The following DNMT1 variants were observed in gnomAD, a reference collection of about 807,000 sequenced individuals.
The protein encoded by DNMT1 is DNA (cytosine-5)-methyltransferase 1.
In DNMT1, 24 loss-of-function variants were observed where a neutral mutation model predicts 205.3. The observed-to-expected ratio is 0.12, with a 90% CI of 0.08 to 0.16. DNMT1 has a LOEUF of 0.16. Among genes scored for constraint, DNMT1 ranks in the 10% least tolerant of loss-of-function variants. The pLI, the probability that DNMT1 is intolerant of heterozygous loss-of-function variation, is 1.00. For missense variants in DNMT1, 1,293 were observed against 2,177.7 expected (o/e 0.59, Z 8.09); for synonymous variants, 817 against 839.8 (o/e 0.97, Z 0.47).
chr19:10,149,395 C>A (rs886899770), intron 26 of DNMT1, 58 bp downstream of exon 26: 8 of 1,574,628 alleles, frequency 5.1e-6, no homozygotes, highest in Non-Finnish European at 7.0e-6. Context: ...ACAGAACGCA[C>A]GTCAGCAGTG....
In DNMT1 at chr19:10,159,636, A is replaced by G. The variant is rs750764772; in HGVS notation, c.1280+22T>C. 1.2e-5 allele frequency: 19 copies of G among 1,612,082 alleles called. No individual in the cohort carries two copies. The Admixed American group carries it at 1.8e-4, about 16-fold the overall frequency. On this transcript the variant is annotated intron_variant, in intron 17 of 40. Coordinates refer to ENST00000359526, the MANE Select transcript of DNMT1 (RefSeq NM_001130823.3). The surrounding 1 kb of genome is among the most constrained non-coding windows in gnomAD (Gnocchi z 5.0). ...ATGTGCCTCCTTCCACGAAGCAAAC[A>G]TGCACACGAAAGTGCACTTACCTGA...
At position 10,135,639 on chromosome 19, in the gene DNMT1, G is replaced by A. The variant is rs190816746; in HGVS notation, c.4773+97C>T. The A allele has an allele frequency of 3.8e-5, 50 of 1,312,004 alleles. No individual in the cohort carries two copies. In the African/African-American group the frequency reaches 6.4e-4, roughly 17 times the overall value. The allele number at this position is 1,312,004 out of a possible 1,614,324, so 81.3% of individuals were successfully genotyped here. ...TGGGGCTACCCGGCAGCCAGCAGGC[G>A]TCCTCCCGGAAGTGACTGCGCTGGC... is the stretch of plus-strand genomic sequence containing the variant. On this transcript the variant is annotated intron_variant, in intron 39 of 40. Coordinates refer to ENST00000359526, the MANE Select transcript of DNMT1 (RefSeq NM_001130823.3).
rs2089582857 is a variant in DNMT1 at position 10,140,618 on chromosome 19, T to C, written c.3523+163A>G. 4 of 1,274,470 alleles carry C rather than the reference T, an allele frequency of 3.1e-6. No homozygotes were observed. In the Admixed American group the frequency reaches 7.2e-5, roughly 23 times the overall value. The allele number at this position is 1,274,470 out of a possible 1,614,324, so 78.9% of individuals were successfully genotyped here. A position where few individuals can be genotyped will look rare whatever the true frequency, so the allele number is the denominator to read the frequency against. On this transcript the variant is annotated intron_variant, in intron 32 of 40. Coordinates refer to ENST00000359526, the MANE Select transcript of DNMT1 (RefSeq NM_001130823.3). This position sits in a 1 kb window ranked among gnomAD's most constrained non-coding sequence, Gnocchi z 8.4. ...CTCCTGACCTCATGATCCACCCACC[T>C]CGGCCTCCCAAAGTGCTGGGATTAC...
In DNMT1 at chr19:10,155,072, G is replaced by A; in HGVS notation, c.1493-16C>T. 3 of 1,613,962 alleles carry A rather than the reference G, an allele frequency of 1.9e-6. No homozygotes were observed. The highest frequency in any genetic ancestry group is 2.5e-6 in the Non-Finnish European group (3 of 1,180,032). ...TCGGCAAATGCTGGGGTGAACAGAG[G>A]AGGTGTGGAAAAGGGGCTGGAATCT... On this transcript the variant is annotated splice_polypyrimidine_tract_variant and intron_variant, in intron 19 of 40. Transcript: ENST00000359526.
chr19:10,188,674 T>A (rs112744768), intron 1 of DNMT1, among the ~76,000 whole-genome samples: 6,459 of 152,286 alleles, frequency 0.042, 477 homozygotes, highest in African/African-American at 0.15. Flanking sequence ...TTATCCTGGA[T>A]TATCTGGGGT....
At chr19:10,174,020 G>A (rs1212719615) in intron 7 of DNMT1, 115 bp from the exon 8 acceptor site, 20 of 1,037,362 alleles carry the variant, frequency 1.9e-5, no homozygotes, top group Non-Finnish European at 2.5e-5. Context: ...AGCAAGAGTG[G>A]GAAAAGAAGG....
chr19:10,143,729 T>G, intron 29 of DNMT1, 37 bp downstream of exon 29: 1 of 1,609,042 alleles, frequency 6.2e-7, no homozygotes, highest in South Asian at 1.1e-5. Flanking sequence ...TCTAGAAGAG[T>G]CTGTGGCCTC....
At chr19:10,169,639 GC>G (rs2145349536) in intron 9 of DNMT1, among the ~76,000 whole-genome samples, 1 of 152,136 alleles carries the variant, frequency 6.6e-6, no homozygotes, top group African/African-American at 2.4e-5. Context: ...GGTAGCAGGT[GC>G]CTGTAGTCCC....
intron 11 of DNMT1, 29 bp downstream of exon 11, chr19:10,166,569 G>A (rs890301847): frequency 2.5e-6 from 4 of 1,613,358 alleles, no homozygotes; most frequent in Non-Finnish European, 3.4e-6. Flanking sequence ...GAATGAGGGG[G>A]AGTTCAGAAA....
chr19:10,136,836 G>A (rs2089492377), intron 37 of DNMT1, among the ~76,000 whole-genome samples: 1 of 151,428 alleles, frequency 6.6e-6, no homozygotes, highest in South Asian at 2.1e-4. Context: ...ACAGCTCACT[G>A]TAGCCTCCTC....
chr19:10,175,484 A>T (rs2038922051), intron 7 of DNMT1, 56 bp downstream of exon 7: 1 of 1,599,664 alleles, frequency 6.3e-7, no homozygotes, highest in African/African-American at 1.3e-5. Context: ...ATGAAGTCAC[A>T]ATCATCAAAT....
rs931904579 is a variant in DNMT1, at chr19:10,140,464, G to C, written c.3524-136C>G. On this transcript the variant is annotated intron_variant, in intron 32 of 40. Transcript: ENST00000359526. This position sits in a 1 kb window ranked among gnomAD's most constrained non-coding sequence, Gnocchi z 8.4. ...GGCTCACTGCAAGCTCTGCCTCCCAGGTTCAAGCGATTCTCCCACCTCAGC... is the reference window on the plus strand; with the variant it reads ...GGCTCACTGCAAGCTCTGCCTCCCACGTTCAAGCGATTCTCCCACCTCAGC... The C allele has an allele frequency of 7.6e-7, 1 of 1,309,886 alleles. No individual in the cohort carries two copies. The highest frequency in any genetic ancestry group is 1.5e-5 in the African/African-American group (1 of 68,170). The allele number at this position is 1,309,886 out of a possible 1,614,324, so 81.1% of individuals were successfully genotyped here.
Position 10,156,275 on chromosome 19 carries a change from G to A in DNMT1, c.1399+116C>T, listed in dbSNP as rs1015161106. On this transcript the variant is annotated intron_variant, in intron 18 of 40. Coordinates refer to ENST00000359526, the MANE Select transcript of DNMT1 (RefSeq NM_001130823.3). The surrounding 1 kb of genome is among the most constrained non-coding windows in gnomAD (Gnocchi z 4.2). ...TTGTCCAGGCTCGTCTCAAACTCCC[G>A]GGCTCAAGTGATCCTCTGGCCTCAG... The A allele has an allele frequency of 1.3e-5, 11 of 830,324 alleles. No individual in the cohort carries two copies. The highest frequency in any genetic ancestry group is 8.0e-5 in the South Asian group (6 of 74,566). The allele number at this position is 830,324 out of a possible 1,614,324, so 51.4% of individuals were successfully genotyped here.
chr19:10,170,775 T>C (rs753668812), intron 9 of DNMT1, among the ~76,000 whole-genome samples: 1 of 151,928 alleles, frequency 6.6e-6, no homozygotes, highest in Non-Finnish European at 1.5e-5. Context: ...CTTGGTTTTT[T>C]TTTGTTTGTT....
intron 1 of DNMT1, among the ~76,000 whole-genome samples, chr19:10,192,774 TAAG>T (rs975775030): frequency 1.3e-5 from 2 of 151,996 alleles, no homozygotes; most frequent in African/African-American, 4.8e-5. Flanking sequence ...ACTAACTGGT[TAAG>T]AAGTGGTTTG....
At chr19:10,180,260 C>G (rs779835584) in intron 4 of DNMT1, 26 bp from the exon 5 acceptor site, 2 of 1,501,568 alleles carry the variant, frequency 1.3e-6, no homozygotes, top group Non-Finnish European at 1.8e-6. Context: ...TACAGTGAGC[C>G]GAGGTTACAC....
chr19:10,144,423 A>G (rs1201280048), intron 28 of DNMT1: 1 of 241,552 alleles, frequency 4.1e-6, no homozygotes, highest in Non-Finnish European at 8.2e-6. Context: ...AAAAAAAAAA[A>G]AAGATTTAGC....
chr19:10,180,060 T>A, intron 5 of DNMT1, 127 bp downstream of exon 5: 1 of 427,252 alleles, frequency 2.3e-6, no homozygotes, highest in Non-Finnish European at 4.3e-6. Flanking sequence ...ATGCCTGTAA[T>A]CCCAGCACTT....
intron 38 of DNMT1, 126 bp downstream of exon 38, chr19:10,135,995 G>A: frequency 6.6e-7 from 1 of 1,505,862 alleles, no homozygotes; most frequent in Non-Finnish European, 8.9e-7. Flanking sequence ...AGGGGCAGGA[G>A]GCAGAGGCCA....
Sources: allele counts gnomAD v4.1 joint callset (sites outside exome capture counted in the v4.1 genomes callset), GRCh38; gene constraint gnomAD v4.1.1; non-coding constraint Gnocchi (gnomAD v3.1); transcripts MANE v1.5; gene names NCBI Gene and HGNC (gene_info 2026-07-23, HGNC 2026-07-21).